ZBTB4: variants seen among roughly 807,000 people sequenced by gnomAD.
ZBTB4 encodes zinc finger and BTB domain containing 4.
ZBTB4 carries 14 observed loss-of-function variants against 59.8 expected under a neutral mutation model. That is an observed-to-expected ratio of 0.23 (90% CI 0.15 to 0.37). The LOEUF is 0.37. Ranked by LOEUF, ZBTB4 falls within the 10% of genes least tolerant of loss-of-function variation. The pLI, the probability that ZBTB4 is intolerant of heterozygous loss-of-function variation, is 1.00. For missense variants in ZBTB4, 1,198 were observed against 1,380.8 expected (o/e 0.87, Z 2.10); for synonymous variants, 587 against 575.2 (o/e 1.02, Z -0.29).
At chr17:7,482,777 G>A, upstream of ZBTB4, 1 of 1,612,030 alleles carries the variant, frequency 6.2e-7, no homozygotes. Context: ...CCTCGCCTTG[G>A]TCTCCTTCAC....
chr17:7,478,004 C>T (rs552876420), intron 1 of ZBTB4, among the ~76,000 whole-genome samples: 3 of 152,076 alleles, frequency 2.0e-5, no homozygotes, highest in Non-Finnish European at 2.9e-5. Flanking sequence ...ATTTATCTCC[C>T]GCCTTCCTCA....
In ZBTB4 at chr17:7,462,911, G is replaced by C. The variant is rs2150849517; in HGVS notation, c.2071C>G (p.Arg691Gly). The change falls in exon 4 of 4, where the codon CGA becomes GGA. Residue 691 changes from arginine (R) to glycine (G), a missense_variant. Coordinates refer to ENST00000380599, the MANE Select transcript of ZBTB4 (RefSeq NM_001128833.2). This position sits in a 1 kb window ranked among gnomAD's most constrained non-coding sequence, Gnocchi z 7.5. ...GASVGGSGLP[R>G]GRRPPRWRQK... Reference sequence around the variant, plus strand: ...CTCCAACGTGGTGGCCGGCGGCCTCGGGGCAGCCCACTGCCCCCCACACTG... The same window carrying C: ...CTCCAACGTGGTGGCCGGCGGCCTCCGGGCAGCCCACTGCCCCCCACACTG... The C allele has an allele frequency of 1.9e-6, 3 of 1,608,956 alleles. No homozygotes were observed. The East Asian group carries it at 6.7e-5, about 36-fold the overall frequency.
Position 7,466,424 on chromosome 17 carries a change from C to T in ZBTB4, c.378G>A (p.Leu126=), listed in dbSNP as rs887658540. 5 of 1,613,596 alleles carry T rather than the reference C, an allele frequency of 3.1e-6. No individual in the cohort carries two copies. The highest frequency in any genetic ancestry group is 4.2e-6 in the Non-Finnish European group (5 of 1,179,870). ...CAGCTGCTGGGACTCCTGGCAACTC[C>T]AGGACCCGGGGTGGGGAAGAAGCAG... is the stretch of plus-strand genomic sequence containing the variant. ...SPPASSPPRV[L]ELPGVPAAAF... is the part of the protein sequence containing the mutation. The change falls in exon 3 of 4, where the codon CTG becomes CTA. Residue 126 remains leucine, a synonymous_variant. Coordinates refer to ENST00000380599, the MANE Select transcript of ZBTB4 (RefSeq NM_001128833.2). This position sits in a 1 kb window ranked among gnomAD's most constrained non-coding sequence, Gnocchi z 9.1.
In ZBTB4 at chr17:7,460,463, A is replaced by G. The variant is rs1216328121; in HGVS notation, c.*1477T>C. 6.6e-6 allele frequency: 1 copy of G among 152,408 alleles called. No individual in the cohort carries two copies. Among genetic ancestry groups the G allele is most frequent in the African/African-American group, 2.4e-5 (1 of 41,460 alleles). 9.4% of individuals were successfully genotyped at this position (152,408 alleles called of 1,614,324 possible). On this transcript the variant is annotated 3_prime_UTR_variant, in exon 4 of 4. Transcript: ENST00000380599. The stretch of plus-strand genomic sequence containing the variant: ...AGCTGGGGAAAAGGCTGCCATTTTG[A>G]TGACAGCAACTTTTCCTTTTAAAAC...
At chr17:7,475,866 T>C (rs1419750260) in intron 1 of ZBTB4, among the ~76,000 whole-genome samples, 7 of 152,212 alleles carry the variant, frequency 4.6e-5, no homozygotes, top group Non-Finnish European at 8.8e-5. Flanking sequence ...ATGCTCAATC[T>C]TTCCCTCTGC....
At chr17:7,475,272 C>T (rs1180076116) in intron 1 of ZBTB4, among the ~76,000 whole-genome samples, 4 of 150,844 alleles carry the variant, frequency 2.7e-5, no homozygotes, top group Non-Finnish European at 3.0e-5. Flanking sequence ...ACCCGGAAGG[C>T]GGAGGTTGCA....
intron 3 of ZBTB4, among the ~76,000 whole-genome samples, chr17:7,465,453 G>A (rs914630979): frequency 6.0e-5 from 9 of 148,860 alleles, no homozygotes; most frequent in Non-Finnish European, 1.3e-4. Flanking sequence ...TACAGAGAGA[G>A]GCTCTGTCTC....
At chr17:7,479,136 G>A (rs2070309743) in intron 1 of ZBTB4, among the ~76,000 whole-genome samples, 2 of 152,072 alleles carry the variant, frequency 1.3e-5, no homozygotes, top group Admixed American at 1.3e-4. Context: ...CACGGGGGGA[G>A]GGGGCCATTA....
chr17:7,465,619 C>T, intron 3 of ZBTB4, 92 bp downstream of exon 3: 1 of 1,460,460 alleles, frequency 6.8e-7, no homozygotes, highest in Non-Finnish European at 9.1e-7. Context: ...GGATAACTTT[C>T]TAGGCCCCAA....
In ZBTB4 at chr17:7,461,986, C is replaced by T. The variant is rs1332305244; in HGVS notation, c.2996G>A (p.Gly999Glu). 1.3e-6 allele frequency: 2 copies of T among 1,593,416 alleles called. No individual in the cohort carries two copies. Among genetic ancestry groups the T allele is most frequent in the South Asian group, 1.1e-5 (1 of 88,102 alleles). ...LPPPIPPKGE[G>E]ERAGVERTQK... The stretch of plus-strand genomic sequence containing the variant: ...GGTTCTCTCAACCCCTGCCCTTTCC[C>T]CTTCTCCCTTAGGGGGAATTGGTGG... Residue 999 changes from glycine (G) to glutamate (E), a missense_variant, in exon 4 of 4, where the codon GGG (glycine) becomes GAG (glutamate). Around this residue, in one of 9 missense-constraint regions of ZBTB4, gnomAD observed 211 missense variants for 236.1 expected, o/e 0.89. Coordinates refer to ENST00000380599, the MANE Select transcript of ZBTB4 (RefSeq NM_001128833.2).
intron 1 of ZBTB4, among the ~76,000 whole-genome samples, chr17:7,472,245 C>T (rs942197139): frequency 2.0e-5 from 3 of 151,860 alleles, no homozygotes; most frequent in Non-Finnish European, 2.9e-5. Flanking sequence ...GGCTGGAGTG[C>T]AGTGGTGCGA....
At position 7,466,472 on chromosome 17, in the gene ZBTB4, G is replaced by A. The variant is rs1465759440; in HGVS notation, c.330C>T (p.Ser110=). Reference sequence around the variant, plus strand: ...CAGGGGGAGAGGCTGGAGGGGGAGAGGAAGAGGAAGAGGAAGAAGAAGAAG... The same window carrying A: ...CAGGGGGAGAGGCTGGAGGGGGAGAAGAAGAGGAAGAGGAAGAAGAAGAAG... ...SASSSSSSSS[S]SPPPASPPAS... is the part of the protein sequence containing the mutation. The change falls in exon 3 of 4, where the codon TCC becomes TCT. Residue 110 remains serine (S), a synonymous_variant. Transcript: ENST00000380599. This position sits in a 1 kb window ranked among gnomAD's most constrained non-coding sequence, Gnocchi z 9.1. 6.2e-7 allele frequency: 1 copy of A among 1,607,348 alleles called. No individual in the cohort carries two copies.
At chr17:7,483,793 T>C (rs952753425), upstream of ZBTB4, among the ~76,000 whole-genome samples, 11 of 152,198 alleles carry the variant, frequency 7.2e-5, no homozygotes, top group African/African-American at 2.7e-4. Context: ...GCTCAGGCCA[T>C]GGATCTAGGA....
intron 1 of ZBTB4, among the ~76,000 whole-genome samples, chr17:7,474,012 G>A (rs1456582933): frequency 6.6e-6 from 1 of 151,586 alleles, no homozygotes; most frequent in African/African-American, 2.4e-5. Flanking sequence ...TGCCTCCTGG[G>A]TTCAAGCAAT....
chr17:7,478,784 A>G (rs1371366456), intron 1 of ZBTB4, among the ~76,000 whole-genome samples: 1 of 152,160 alleles, frequency 6.6e-6, no homozygotes, highest in Non-Finnish European at 1.5e-5. Context: ...ACTCTGCCCC[A>G]CAACACTGGA....
At chr17:7,465,045 A>G (rs905574369) in intron 3 of ZBTB4, among the ~76,000 whole-genome samples, 2 of 149,704 alleles carry the variant, frequency 1.3e-5, no homozygotes, top group Non-Finnish European at 3.0e-5. Context: ...AGTCCCAGCT[A>G]CTCGGGAGGC....
chr17:7,477,462 C>T (rs994011642), intron 1 of ZBTB4, among the ~76,000 whole-genome samples: 5 of 152,156 alleles, frequency 3.3e-5, no homozygotes, highest in African/African-American at 9.7e-5. Flanking sequence ...CCCTTCCCAG[C>T]CCCCCATGCC....
intron 1 of ZBTB4, among the ~76,000 whole-genome samples, chr17:7,474,232 T>TTTTTTTTTG (rs2070238394): frequency 6.7e-6 from 1 of 149,882 alleles, no homozygotes; most frequent in African/African-American, 2.5e-5. Context: ...TTTTTTTTTT[T>TTTTTTTTTG]TGACATGAGG....
chr17:7,483,151 A>T, upstream of ZBTB4: 1 of 1,422,652 alleles, frequency 7.0e-7, no homozygotes, highest in Non-Finnish European at 9.4e-7. Flanking sequence ...GACTTGGTGG[A>T]GAGGGACTAC....
Sources: allele counts gnomAD v4.1 joint callset (sites outside exome capture counted in the v4.1 genomes callset), GRCh38; gene constraint gnomAD v4.1.1; regional missense constraint gnomAD v4.1.1; non-coding constraint Gnocchi (gnomAD v3.1); transcripts MANE v1.5; gene names NCBI Gene and HGNC (gene_info 2026-07-23, HGNC 2026-07-21).